MDGA2: variants seen among roughly 807,000 people sequenced by gnomAD.
The protein encoded by MDGA2 is MAM domain-containing glycosylphosphatidylinositol anchor protein 2.
In MDGA2, 40 loss-of-function variants were observed where a neutral mutation model predicts 117.8. That is an observed-to-expected ratio of 0.34 (90% confidence interval 0.26 to 0.44). The LOEUF is 0.44. Among genes scored for constraint, MDGA2 ranks in the 20% least tolerant of loss-of-function variants. The probability of loss-of-function intolerance (pLI) is 1.00; values close to 1 mark genes in which losing one functional copy is unlikely to be tolerated. For missense variants in MDGA2, 1,123 were observed against 1,250.6 expected, an observed-to-expected ratio of 0.90 and a Z score of 1.54; for synonymous variants, 452 against 439.0, an observed-to-expected ratio of 1.03 and a Z score of -0.37.
At chr14:47,236,706 A>G (rs891068881) in intron 2 of MDGA2, among the ~76,000 whole-genome samples, 1 of 152,212 alleles carries the variant, frequency 6.6e-6, no homozygotes, top group African/African-American at 2.4e-5. Flanking sequence ...GTCTTTATAC[A>G]TTAGCAAAGT....
At chr14:46,946,394 A>C (rs76308236) in intron 9 of MDGA2, among the ~76,000 whole-genome samples, 16 of 147,044 alleles carry the variant, frequency 1.1e-4, no homozygotes, top group African/African-American at 2.8e-4. Flanking sequence ...ATGTGCCTGC[A>C]AAAAAAAAAT....
intron 1 of MDGA2, among the ~76,000 whole-genome samples, chr14:47,354,728 C>T (rs750339845): frequency 3.3e-5 from 5 of 152,182 alleles, no homozygotes; most frequent in Admixed American, 2.0e-4. Context: ...TAGACTGTCA[C>T]CCAAGCGATC....
chr14:47,643,056 G>A lies in MDGA2; in HGVS notation c.280+31461C>T, dbSNP rs150089314. Among the ~76,000 whole-genome samples the A allele has an allele frequency of 7.4e-4, 113 of 152,116 alleles. No individual in the cohort carries two copies. In the East Asian group the frequency reaches 0.013, roughly 17 times the overall value. On this transcript the variant is annotated intron_variant, in intron 1 of 16. Transcript: ENST00000399232. Reference sequence around the variant, plus strand: ...TCACCTGGCAAATACTAACCACTATGTAAGCATTCGCTATTAGCATTACTG... The same window carrying A: ...TCACCTGGCAAATACTAACCACTATATAAGCATTCGCTATTAGCATTACTG...
At chr14:46,863,360 T>G (rs1322807544) in intron 14 of MDGA2, among the ~76,000 whole-genome samples, 1 of 152,176 alleles carries the variant, frequency 6.6e-6, no homozygotes, top group Non-Finnish European at 1.5e-5. Context: ...TGATGAACTA[T>G]TTGATGAATA....
At chr14:47,259,773 A>G (rs900094102) in intron 2 of MDGA2, among the ~76,000 whole-genome samples, 13 of 152,100 alleles carry the variant, frequency 8.5e-5, no homozygotes, top group African/African-American at 3.1e-4. Context: ...AATTTTGCTA[A>G]CTATGGAATC....
intron 3 of MDGA2, among the ~76,000 whole-genome samples, chr14:47,162,072 A>C (rs61995375): frequency 1.3e-5 from 2 of 150,348 alleles, no homozygotes; most frequent in African/African-American, 4.9e-5. Context: ...TAGCCTCCCA[A>C]GTAGCTGGGA....
chr14:47,133,385 T>C (rs940179743), intron 4 of MDGA2, among the ~76,000 whole-genome samples: 10 of 151,928 alleles, frequency 6.6e-5, no homozygotes, highest in African/African-American at 2.2e-4. Context: ...TTAAATAAAG[T>C]GATACATCTT....
chr14:47,281,316 AGGTGATTT>A (rs1389809455), intron 2 of MDGA2, among the ~76,000 whole-genome samples: 1 of 152,016 alleles, frequency 6.6e-6, no homozygotes, highest in Non-Finnish European at 1.5e-5. Flanking sequence ...GTCAGCTATT[AGGTGATTT>A]GCCTTATAGA....
At chr14:47,309,716 A>T (rs994137001) in intron 1 of MDGA2, among the ~76,000 whole-genome samples, 17 of 152,108 alleles carry the variant, frequency 1.1e-4, no homozygotes, top group Non-Finnish European at 1.9e-4. Flanking sequence ...AAAAACTTTA[A>T]ACATTTAATT....
intron 8 of MDGA2, among the ~76,000 whole-genome samples, chr14:46,981,172 G>GGGGT (rs1555340289): frequency 1.6e-3 from 28 of 17,680 alleles, no homozygotes; most frequent in Admixed American, 5.5e-3. Context: ...GGGAGGCCAA[G>GGGGT]GGGGGGGCGG....
chr14:47,443,313 C>A (rs537833330), intron 1 of MDGA2, among the ~76,000 whole-genome samples: 1 of 152,012 alleles, frequency 6.6e-6, no homozygotes, highest in Non-Finnish European at 1.5e-5. Flanking sequence ...GTAGAAGACA[C>A]GAACAGACAT....
chr14:47,343,652 T>C (rs1247735251), intron 1 of MDGA2, among the ~76,000 whole-genome samples: 1 of 152,106 alleles, frequency 6.6e-6, no homozygotes, highest in African/African-American at 2.4e-5. Flanking sequence ...TAAAATGACA[T>C]AAAGATACAA....
chr14:47,671,018 T>C (rs1045957095), intron 1 of MDGA2, among the ~76,000 whole-genome samples: 1 of 152,136 alleles, frequency 6.6e-6, no homozygotes, highest in South Asian at 2.1e-4. Flanking sequence ...TTGCAATTTT[T>C]CCTTCAGAAA....
chr14:47,574,437 C>A (rs1411604665), intron 1 of MDGA2, among the ~76,000 whole-genome samples: 1 of 152,120 alleles, frequency 6.6e-6, no homozygotes, highest in African/African-American at 2.4e-5. Context: ...TTCAGCCACC[C>A]TTATATTCCA....
chr14:46,893,400 G>T (rs918423373), intron 10 of MDGA2, among the ~76,000 whole-genome samples: 8 of 151,858 alleles, frequency 5.3e-5, no homozygotes, highest in African/African-American at 1.9e-4. Flanking sequence ...ACAACGTTCA[G>T]TTATGTAGGA....
At chr14:47,191,773 C>T (rs1385489429) in intron 3 of MDGA2, among the ~76,000 whole-genome samples, 1 of 151,990 alleles carries the variant, frequency 6.6e-6, no homozygotes, top group Non-Finnish European at 1.5e-5. Context: ...CCTGATGTAC[C>T]GCAGTCAGAA....
intron 1 of MDGA2, among the ~76,000 whole-genome samples, chr14:47,645,396 G>A (rs972463553): frequency 6.6e-6 from 1 of 151,940 alleles, no homozygotes; most frequent in Middle Eastern, 3.4e-3. Flanking sequence ...ACCTCGCCCG[G>A]CTAATTTTTT....
At chr14:47,354,451 C>G (rs966763564) in intron 1 of MDGA2, among the ~76,000 whole-genome samples, 1 of 152,126 alleles carries the variant, frequency 6.6e-6, no homozygotes, top group East Asian at 1.9e-4. Context: ...TTGGCAAATT[C>G]TCACCACCAA....
chr14:47,172,052 G>A (rs1884169506), intron 3 of MDGA2, among the ~76,000 whole-genome samples: 1 of 152,138 alleles, frequency 6.6e-6, no homozygotes, highest in Non-Finnish European at 1.5e-5. Flanking sequence ...TGCTAGCACA[G>A]TGGTCTGAGA....
Sources: allele counts gnomAD v4.1 joint callset (sites outside exome capture counted in the v4.1 genomes callset), GRCh38; gene constraint gnomAD v4.1.1; transcripts MANE v1.5; gene names NCBI Gene and HGNC (gene_info 2026-07-23, HGNC 2026-07-21).